Variants in TDRP observed in about 807,000 individuals in gnomAD.
TDRP encodes testis development related protein.
A neutral mutation model predicts 10.5 loss-of-function variants in TDRP; 12 were observed. That is an observed-to-expected ratio of 1.15 (90% confidence interval 0.73 to 1.86). The LOEUF (loss-of-function observed/expected upper bound fraction) is 1.86, where lower values mean the gene tolerates loss of function less well. Ranked by LOEUF, TDRP falls within the 40% of genes most tolerant of loss-of-function variation. The pLI is 0.00. For synonymous variants in TDRP, 139 were observed against 95.4 expected, an observed-to-expected ratio of 1.46 and a Z score of -2.67; for missense variants, 353 against 229.2, an observed-to-expected ratio of 1.54 and a Z score of -3.49.
chr8:526,332 TATG>T (rs1802034484), intron 1 of TDRP, among the ~76,000 whole-genome samples: 1 of 152,204 alleles, frequency 6.6e-6, no homozygotes, highest in African/African-American at 2.4e-5. Context: ...GGGTTGTCAG[TATG>T]ATACTAGCTA....
chr8:502,786 C>G (rs1287963914), intron 1 of TDRP, among the ~76,000 whole-genome samples: 2 of 151,670 alleles, frequency 1.3e-5, no homozygotes, highest in Non-Finnish European at 2.9e-5. Flanking sequence ...GAATCCAGAG[C>G]CATACACTGG....
intron 1 of TDRP, among the ~76,000 whole-genome samples, chr8:501,793 C>A (rs1484288420): frequency 1.3e-5 from 2 of 152,228 alleles, no homozygotes; most frequent in African/African-American, 4.8e-5. Context: ...GGACTCAGTA[C>A]AGACGGTTTG....
intron 1 of TDRP, among the ~76,000 whole-genome samples, chr8:528,003 A>G (rs1802080783): frequency 1.3e-5 from 2 of 152,182 alleles, no homozygotes; most frequent in African/African-American, 4.8e-5. Context: ...ATCTGCAAAC[A>G]ACCCACCTGA....
At position 491,897 on chromosome 8, in the gene TDRP, G is replaced by C. The variant is rs1800986741; in HGVS notation, c.*502C>G. On this transcript the variant is annotated 3_prime_UTR_variant, in exon 3 of 3. Coordinates refer to ENST00000324079, the MANE Select transcript of TDRP (RefSeq NM_001384899.1). Reference sequence around the variant, plus strand: ...ATTTGTTTACGTATTTGTTTAATAAGAACAAAGTTTAATTTGTCAAGTTAA... The same window carrying C: ...ATTTGTTTACGTATTTGTTTAATAACAACAAAGTTTAATTTGTCAAGTTAA... The C allele has an allele frequency of 8.6e-7, 1 of 1,165,444 alleles. No homozygotes were observed. Among genetic ancestry groups the C allele is most frequent in the Non-Finnish European group, 1.1e-6 (1 of 946,576 alleles). 72.2% of individuals were successfully genotyped at this position (1,165,444 alleles called of 1,614,324 possible). A position where few individuals can be genotyped will look rare whatever the true frequency, so the allele number is the denominator to read the frequency against.
chr8:531,129 C>A (rs1802182598), intron 1 of TDRP, among the ~76,000 whole-genome samples: 1 of 152,138 alleles, frequency 6.6e-6, no homozygotes. Context: ...ACCAATCATG[C>A]CAAGCTGTGC....
chr8:494,642 A>G, intron 1 of TDRP, 45 bp from the exon 2 acceptor site: 1 of 1,551,106 alleles, frequency 6.4e-7, no homozygotes, highest in Non-Finnish European at 8.9e-7. Flanking sequence ...GTCATGAATC[A>G]ACAGAATTCC....
At chr8:513,994 A>T (rs1478339248) in intron 1 of TDRP, among the ~76,000 whole-genome samples, 1 of 152,234 alleles carries the variant, frequency 6.6e-6, no homozygotes, top group African/African-American at 2.4e-5. Context: ...ATCAGAAGAC[A>T]TAACATTATT....
At chr8:496,704 G>A (rs149155667) in intron 1 of TDRP, among the ~76,000 whole-genome samples, 20 of 152,274 alleles carry the variant, frequency 1.3e-4, no homozygotes, top group Non-Finnish European at 2.2e-4. Context: ...ATGTCCTAAA[G>A]GTGTGATACG....
At chr8:525,624 G>A (rs1467666117) in intron 1 of TDRP, among the ~76,000 whole-genome samples, 1 of 152,064 alleles carries the variant, frequency 6.6e-6, no homozygotes, top group Non-Finnish European at 1.5e-5. Context: ...ATTGTCATCA[G>A]TTTACAATAA....
rs578195289 is a variant in TDRP, at chr8:499,783, G to C, written c.109-5186C>G. ...AGGACAGGAGGGAAAGTCCTCACCT[G>C]AGCACTCTGCTCCTGTAGCCAGCAA... On this transcript the variant is annotated intron_variant, in intron 1 of 2. Transcript: ENST00000324079. Among the ~76,000 whole-genome samples the C allele has an allele frequency of 2.0e-5, 3 of 152,360 alleles. No homozygotes were observed. In the South Asian group the frequency reaches 6.2e-4, roughly 32 times the overall value.
At chr8:508,601 C>G (rs1443167847) in intron 1 of TDRP, among the ~76,000 whole-genome samples, 3 of 152,216 alleles carry the variant, frequency 2.0e-5, no homozygotes, top group Non-Finnish European at 2.9e-5. Context: ...AGGATCCAAT[C>G]ACCTCTCACC....
In TDRP at chr8:492,538, G is replaced by C. The variant is rs1266465915; in HGVS notation, c.419C>G (p.Ala140Gly). 1 of 1,611,620 alleles carries C rather than the reference G, an allele frequency of 6.2e-7. No homozygotes were observed. Among genetic ancestry groups the C allele is most frequent in the Non-Finnish European group, 8.5e-7 (1 of 1,178,720 alleles). The change falls in exon 3 of 3, where the codon GCC becomes GGC. Residue 140 changes from alanine (A) to glycine (G), a missense_variant. Ala to Gly is a moderately conservative substitution (Grantham distance 60, BLOSUM62 0). Coordinates refer to ENST00000324079, the MANE Select transcript of TDRP (RefSeq NM_001384899.1). ...HPSWSGWEDDAKGSTKYTSLA... is the reference protein window; with the variant it reads ...HPSWSGWEDDGKGSTKYTSLA... ...GCTGGTGTACTTGGTCGAGCCCTTG[G>C]CGTCATCCTCCCAGCCTGACCAGGA...
At chr8:525,966 G>C (rs542704956) in intron 1 of TDRP, among the ~76,000 whole-genome samples, 83 of 152,196 alleles carry the variant, frequency 5.5e-4, no homozygotes, top group African/African-American at 1.7e-3. Flanking sequence ...TTTTATTCTG[G>C]CTTTGATCTT....
rs143013168 is a variant in TDRP at position 518,392 on chromosome 8, C to G, written c.109-23795G>C. Reference sequence around the variant, plus strand: ...TACACATAAGTCTAATAAAAGGTAACCTGTGCTACCAGTTATTAAATGTAT... The same window carrying G: ...TACACATAAGTCTAATAAAAGGTAAGCTGTGCTACCAGTTATTAAATGTAT... On this transcript the variant is annotated intron_variant, in intron 1 of 2. Transcript: ENST00000324079. 1.4e-3 allele frequency among the ~76,000 whole-genome samples: 207 copies of G among 152,182 alleles called. 2 individuals carry two copies. The highest frequency in any genetic ancestry group is 4.8e-3 in the African/African-American group (199 of 41,504).
At chr8:495,570 C>T (rs763853283) in intron 1 of TDRP, among the ~76,000 whole-genome samples, 15 of 152,196 alleles carry the variant, frequency 9.9e-5, no homozygotes, top group Non-Finnish European at 1.9e-4. Context: ...CGGCGTGTGT[C>T]GAAGGCCCTT....
chr8:506,091 G>A (rs1036408171), intron 1 of TDRP, among the ~76,000 whole-genome samples: 1 of 152,116 alleles, frequency 6.6e-6, no homozygotes, highest in Non-Finnish European at 1.5e-5. Flanking sequence ...AGACAGAGGG[G>A]CAGAGCCACA....
rs1800986595 is a variant in TDRP at position 491,893 on chromosome 8, A to G, written c.*506T>C. On this transcript the variant is annotated 3_prime_UTR_variant, in exon 3 of 3. Transcript: ENST00000324079. ...CAGTATTTGTTTACGTATTTGTTTA[A>G]TAAGAACAAAGTTTAATTTGTCAAG... is the stretch of plus-strand genomic sequence containing the variant. The G allele has an allele frequency of 1.7e-6, 2 of 1,173,790 alleles. No individual in the cohort carries two copies. The highest frequency in any genetic ancestry group is 1.1e-6 in the Non-Finnish European group (1 of 951,552). 72.7% of individuals were successfully genotyped at this position (1,173,790 alleles called of 1,614,324 possible). A position where few individuals can be genotyped will look rare whatever the true frequency, so the allele number is the denominator to read the frequency against.
intron 1 of TDRP, among the ~76,000 whole-genome samples, chr8:495,338 G>C (rs958988143): frequency 7.9e-5 from 12 of 152,180 alleles, no homozygotes; most frequent in African/African-American, 2.7e-4. Flanking sequence ...AGGTCCCCTG[G>C]AACAACTGTG....
In TDRP at chr8:490,898, A is replaced by C. The variant is rs1367041253; in HGVS notation, c.*1501T>G. 1 of 152,186 alleles carries C rather than the reference A, an allele frequency of 6.6e-6. No homozygotes were observed. Among genetic ancestry groups the C allele is most frequent in the Non-Finnish European group, 1.5e-5 (1 of 68,028 alleles). 9.4% of individuals were successfully genotyped at this position (152,186 alleles called of 1,614,324 possible). A position where few individuals can be genotyped will look rare whatever the true frequency, so the allele number is the denominator to read the frequency against. On this transcript the variant is annotated 3_prime_UTR_variant, in exon 3 of 3. Coordinates refer to ENST00000324079, the MANE Select transcript of TDRP (RefSeq NM_001384899.1). ...GTTCTATTAAAAAAAAAAGTAGATGATTGACAGAAGGCTAGATGGATGTAG... is the reference window on the plus strand; with the variant it reads ...GTTCTATTAAAAAAAAAAGTAGATGCTTGACAGAAGGCTAGATGGATGTAG...
Sources: allele counts gnomAD v4.1 joint callset (sites outside exome capture counted in the v4.1 genomes callset), GRCh38; gene constraint gnomAD v4.1.1; transcripts MANE v1.5; gene names NCBI Gene and HGNC (gene_info 2026-07-23, HGNC 2026-07-21).